CPXM2: variants seen among roughly 807,000 people sequenced by gnomAD.
The protein encoded by CPXM2 is inactive carboxypeptidase-like protein X2.
A neutral mutation model predicts 86.1 loss-of-function variants in CPXM2; 66 were observed. That is an observed-to-expected ratio of 0.77 (90% CI 0.63 to 0.94). The LOEUF (loss-of-function observed/expected upper bound fraction) is 0.94. Ranked by LOEUF, CPXM2 falls within the 40% of genes least tolerant of loss-of-function variation. The probability of loss-of-function intolerance (pLI) is 0.00; values close to 1 mark genes in which losing one functional copy is unlikely to be tolerated. For missense variants in CPXM2, 948 were observed against 1,026.3 expected (o/e 0.92, Z 1.04); for synonymous variants, 388 against 400.2 (o/e 0.97, Z 0.36).
chr10:123,915,375 T>C (rs1184851475), intron 2 of CPXM2, among the ~76,000 whole-genome samples: 2 of 152,196 alleles, frequency 1.3e-5, no homozygotes, highest in African/African-American at 4.8e-5. Flanking sequence ...CTGGCCAACA[T>C]GGCGAAACCC....
upstream of CPXM2, among the ~76,000 whole-genome samples, chr10:123,894,595 C>T (rs148131806): frequency 4.5e-4 from 68 of 152,262 alleles, no homozygotes; most frequent in East Asian, 9.9e-3. Flanking sequence ...GAAGATAGGG[C>T]GGCAAAGCTG....
chr10:123,856,806 G>C (rs28623668), intron 3 of CPXM2, among the ~76,000 whole-genome samples: 18,192 of 152,200 alleles, frequency 0.12, 1,322 homozygotes, highest in East Asian at 0.33. Context: ...TGGCCAGGCT[G>C]GTCTTGAATT....
In CPXM2 at chr10:123,761,867, C is replaced by A. The variant is rs1202869450; in HGVS notation, c.1777+5G>T. On this transcript the variant is annotated splice_donor_5th_base_variant and intron_variant, in intron 11 of 13. Coordinates refer to ENST00000241305, the MANE Select transcript of CPXM2 (RefSeq NM_198148.3). ...CAGCCCACTCTCCCCCAGAGGGAGG[C>A]TTACTTCCAGCGACGGTGTGCCAGG... 14 of 1,612,024 alleles carry A rather than the reference C, an allele frequency of 8.7e-6. No individual in the cohort carries two copies. Among genetic ancestry groups the A allele is most frequent in the Non-Finnish European group, 1.2e-5 (14 of 1,179,384 alleles).
At chr10:123,842,752 C>T (rs1458086164) in intron 3 of CPXM2, among the ~76,000 whole-genome samples, 2 of 152,180 alleles carry the variant, frequency 1.3e-5, no homozygotes, top group African/African-American at 4.8e-5. Flanking sequence ...AGTACTCCTA[C>T]TACTCATTCA....
chr10:123,889,154 C>T (rs1238059791), intron 1 of CPXM2, among the ~76,000 whole-genome samples: 1 of 152,204 alleles, frequency 6.6e-6, no homozygotes, highest in Non-Finnish European at 1.5e-5. Context: ...CCATGTAACC[C>T]CTGAGTCTGC....
At chr10:123,803,337 C>A (rs1341606284) in intron 4 of CPXM2, among the ~76,000 whole-genome samples, 1 of 151,798 alleles carries the variant, frequency 6.6e-6, no homozygotes, top group Non-Finnish European at 1.5e-5. Flanking sequence ...GTCTCAAACT[C>A]CTGGGCTCAA....
intron 4 of CPXM2, among the ~76,000 whole-genome samples, chr10:123,822,127 C>A (rs1477413997): frequency 6.6e-6 from 1 of 152,156 alleles, no homozygotes; most frequent in Non-Finnish European, 1.5e-5. Flanking sequence ...GCTCAGCTAC[C>A]TGAAAGACAC....
chr10:123,834,446 A>C (rs1848236468), intron 4 of CPXM2, among the ~76,000 whole-genome samples: 1 of 152,256 alleles, frequency 6.6e-6, no homozygotes, highest in African/African-American at 2.4e-5. Flanking sequence ...AAGAGAGGAC[A>C]TGAAGCAACT....
intron 2 of CPXM2, among the ~76,000 whole-genome samples, chr10:123,911,226 C>T (rs1029610437): frequency 4.0e-5 from 6 of 151,892 alleles, no homozygotes; most frequent in Middle Eastern, 3.2e-3. Context: ...TTTTGTGACT[C>T]TCTCATTTGG....
At chr10:123,859,058 C>A (rs1430724057) in intron 3 of CPXM2, among the ~76,000 whole-genome samples, 1 of 152,198 alleles carries the variant, frequency 6.6e-6, no homozygotes, top group Non-Finnish European at 1.5e-5. Flanking sequence ...AGCCTGTGAG[C>A]CCCATACCTT....
chr10:123,875,803 C>CTTTATTT, intron 2 of CPXM2, among the ~76,000 whole-genome samples: 1 of 94,546 alleles, frequency 1.1e-5, no homozygotes, highest in African/African-American at 3.5e-5. Context: ...TCTTTCTTTT[C>CTTTATTT]TTTCTTTTTT....
chr10:123,881,260 T>TCCCCCCCCCCCCCCCCCCCCCCCCCCC (rs1945088174), intron 1 of CPXM2, among the ~76,000 whole-genome samples: 1 of 45,592 alleles, frequency 2.2e-5, no homozygotes, highest in African/African-American at 1.6e-4. Context: ...TCCCTTCCCT[T>TCCCCCCCCCCCCCCCCCCCCCCCCCCC]CCCTTTACGC....
chr10:123,862,590 C>T (rs753857935), intron 3 of CPXM2, 24 bp downstream of exon 3: 3 of 1,602,970 alleles, frequency 1.9e-6, no homozygotes, highest in Non-Finnish European at 2.6e-6. Context: ...CAGTCAAAAT[C>T]CTTCCAACCA....
intron 3 of CPXM2, among the ~76,000 whole-genome samples, chr10:123,845,169 C>G (rs979592478): frequency 4.6e-5 from 7 of 151,818 alleles, no homozygotes; most frequent in Admixed American, 4.6e-4. Context: ...TGTAGAGACC[C>G]TGGATTGGGG....
Position 123,756,061 on chromosome 10 carries a change from T to C in CPXM2, c.1917+1152A>G, listed in dbSNP as rs1357183492. 2.0e-5 allele frequency among the ~76,000 whole-genome samples: 3 copies of C among 152,192 alleles called. No homozygotes were observed. The East Asian group carries it at 5.8e-4, about 29-fold the overall frequency. On this transcript the variant is annotated intron_variant, in intron 12 of 13. Coordinates refer to ENST00000241305, the MANE Select transcript of CPXM2 (RefSeq NM_198148.3). ...ACCATCATGGGACAGAGTCAGATGC[T>C]AAATCCTGGTGCCAACCTCTGCCCC...
At chr10:123,932,786 C>G (rs190649851) in intron 2 of CPXM2, among the ~76,000 whole-genome samples, 1 of 152,162 alleles carries the variant, frequency 6.6e-6, no homozygotes, top group Non-Finnish European at 1.5e-5. Context: ...GGGAGTTTCT[C>G]GGCGTGGCAG....
chr10:123,762,140 G>C lies in CPXM2; in HGVS notation c.1509C>G (p.Ala503=). 1 of 1,614,166 alleles carries C rather than the reference G, an allele frequency of 6.2e-7. No individual in the cohort carries two copies. Among genetic ancestry groups the C allele is most frequent in the Non-Finnish European group, 8.5e-7 (1 of 1,180,044 alleles). Residue 503 remains alanine, a synonymous_variant, in exon 11 of 14, where the codon GCC becomes GCG. Coordinates refer to ENST00000241305, the MANE Select transcript of CPXM2 (RefSeq NM_198148.3). ...TVAAETRAVI[A]WMEKIPFVLG... ...GCACAAAAGGGATTTTTTCCATCCA[G>C]GCTATGACTGCTCTGGTCTCGGCAG... is the stretch of plus-strand genomic sequence containing the variant.
At chr10:123,806,285 T>C (rs966415380) in intron 4 of CPXM2, among the ~76,000 whole-genome samples, 1 of 152,178 alleles carries the variant, frequency 6.6e-6, no homozygotes, top group South Asian at 2.1e-4. Flanking sequence ...CACTTAAAAA[T>C]TTTGATTTTA....
intron 2 of CPXM2, among the ~76,000 whole-genome samples, chr10:123,907,604 A>G (rs2134267092): frequency 6.6e-6 from 1 of 151,732 alleles, no homozygotes; most frequent in South Asian, 2.1e-4. Flanking sequence ...GAAACTGGCT[A>G]CAGGTTCCCC....
Sources: gnomAD v4.1 joint callset for allele counts (sites outside exome capture counted in the v4.1 genomes callset) on GRCh38, gnomAD v4.1.1 for gene constraint, MANE v1.5 for transcripts, NCBI Gene and HGNC (gene_info 2026-07-23, HGNC 2026-07-21) for gene names.